The following TMEM63B variants were observed in gnomAD, a reference collection of about 807,000 sequenced individuals.
TMEM63B encodes mechanosensitive cation channel TMEM63B.
A neutral mutation model predicts 102.6 loss-of-function variants in TMEM63B; 23 were observed. That is an observed-to-expected ratio of 0.22 (90% CI 0.16 to 0.32). The LOEUF is 0.32. TMEM63B is among the 10% of genes least tolerant of loss of function. The probability of loss-of-function intolerance (pLI) is 1.00; values close to 1 mark genes in which losing one functional copy is unlikely to be tolerated. For missense variants in TMEM63B, 628 were observed against 1,095.9 expected (o/e 0.57, Z 6.03); for synonymous variants, 444 against 437.0 (o/e 1.02, Z -0.20).
chr6:44,150,329 G>C lies in TMEM63B; in HGVS notation c.1607+19G>C. ...TGAGCAGGTGAGTTGAGAAGGATGG[G>C]GCAGGAGCCAGGGTAGGGGGACAGC... On this transcript the variant is annotated intron_variant, in intron 17 of 23. Transcript: ENST00000323267. The surrounding 1 kb of genome is among the most constrained non-coding windows in gnomAD (Gnocchi z 4.7). 2 of 1,610,250 alleles carry C rather than the reference G, an allele frequency of 1.2e-6. No homozygotes were observed. The highest frequency in any genetic ancestry group is 1.7e-6 in the Non-Finnish European group (2 of 1,176,606).
intron 4 of TMEM63B, 134 bp from the exon 5 acceptor site, chr6:44,136,215 C>A: frequency 1.4e-6 from 1 of 690,052 alleles, no homozygotes; most frequent in South Asian, 1.7e-5. Context: ...GCAGTCATTC[C>A]TCTCTGCTTC....
intron 10 of TMEM63B, among the ~76,000 whole-genome samples, chr6:44,142,685 T>C (rs1157118313): frequency 6.6e-6 from 1 of 152,102 alleles, no homozygotes; most frequent in Non-Finnish European, 1.5e-5. Context: ...GCTGGTGGTC[T>C]GGATCATGGC....
Position 44,146,838 on chromosome 6 carries a change from G to A in TMEM63B, c.783-9G>A. ...CCCTGCACAAGATGATACATGAACTGTGTTTCAGGGAAGCCTACCCCAACT... is the reference window on the plus strand; with the variant it reads ...CCCTGCACAAGATGATACATGAACTATGTTTCAGGGAAGCCTACCCCAACT... On this transcript the variant is annotated splice_polypyrimidine_tract_variant and intron_variant, in intron 10 of 23. Transcript: ENST00000323267. 1 of 1,613,830 alleles carries A rather than the reference G, an allele frequency of 6.2e-7. No individual in the cohort carries two copies. Among genetic ancestry groups the A allele is most frequent in the Non-Finnish European group, 8.5e-7 (1 of 1,179,824 alleles).
chr6:44,144,478 G>A (rs1764935672), intron 10 of TMEM63B, among the ~76,000 whole-genome samples: 1 of 152,092 alleles, frequency 6.6e-6, no homozygotes, highest in African/African-American at 2.4e-5. Context: ...TACATCTCAA[G>A]GACCCTATCC....
At chr6:44,144,567 C>T (rs1764957291) in intron 10 of TMEM63B, among the ~76,000 whole-genome samples, 1 of 151,852 alleles carries the variant, frequency 6.6e-6, no homozygotes, top group African/African-American at 2.4e-5. Context: ...GCATTCAATA[C>T]TTGGTGGTCC....
intron 10 of TMEM63B, among the ~76,000 whole-genome samples, chr6:44,141,552 GGGTGGGTA>G (rs1170122059): frequency 2.0e-5 from 3 of 152,138 alleles, no homozygotes; most frequent in African/African-American, 7.2e-5. Context: ...TTATGTTTTG[GGGTGGGTA>G]GAGCAGACCT....
Position 44,150,394 on chromosome 6 carries a change from C to T in TMEM63B, c.1607+84C>T, listed in dbSNP as rs1175450139. 6 of 1,498,096 alleles carry T rather than the reference C, an allele frequency of 4.0e-6. No homozygotes were observed. The East Asian group carries it at 1.4e-4, about 34-fold the overall frequency. The allele number at this position is 1,498,096 out of a possible 1,614,324, so 92.8% of individuals were successfully genotyped here. A position where few individuals can be genotyped will look rare whatever the true frequency, so the allele number is the denominator to read the frequency against. ...AGAGCAGTTCAGCCTCCCTACCTCC[C>T]CTACAAAGCAAGGGGCCCAAGATGG... On this transcript the variant is annotated intron_variant, in intron 17 of 23. Coordinates refer to ENST00000323267, the MANE Select transcript of TMEM63B (RefSeq NM_018426.3). The surrounding 1 kb of genome is among the most constrained non-coding windows in gnomAD (Gnocchi z 4.7).
chr6:44,135,027 T>A lies in TMEM63B; in HGVS notation c.170T>A (p.Phe57Tyr), dbSNP rs1762643346. 1.2e-6 allele frequency: 2 copies of A among 1,614,082 alleles called. No individual in the cohort carries two copies. The highest frequency in any genetic ancestry group is 1.7e-6 in the Non-Finnish European group (2 of 1,180,022). ...LDFMCFLALL[F>Y]LFSILRKVAW... ...CCCCTCTTCCCTCAGGCACTGCTGT[T>A]CTTATTCTCTATCCTCCGGAAGGTG... The change falls in exon 3 of 24, where the codon TTC (phenylalanine) becomes TAC (tyrosine). Residue 57 changes from phenylalanine (F) to tyrosine (Y), a missense_variant. Physicochemically the swap from Phe to Tyr is conservative, Grantham distance 22. Around this residue, in one of 6 missense-constraint regions of TMEM63B, gnomAD observed 336 missense variants for 580.3 expected, o/e 0.58. Coordinates refer to ENST00000323267, the MANE Select transcript of TMEM63B (RefSeq NM_018426.3).
intron 20 of TMEM63B, among the ~76,000 whole-genome samples, 153 bp from the exon 21 acceptor site, chr6:44,153,523 C>T (rs1767265029): frequency 6.6e-6 from 1 of 152,158 alleles, no homozygotes; most frequent in Non-Finnish European, 1.5e-5. Context: ...TCTGTGATCA[C>T]GCTGGGGCAC....
At position 44,139,558 on chromosome 6, in the gene TMEM63B, G is replaced by C; in HGVS notation, c.499G>C (p.Val167Leu). The change falls in exon 7 of 24, where the codon GTC becomes CTC. Residue 167 changes from valine to leucine, a missense_variant. Around this residue, in one of 6 missense-constraint regions of TMEM63B, gnomAD observed 336 missense variants for 580.3 expected, o/e 0.58. Coordinates refer to ENST00000323267, the MANE Select transcript of TMEM63B (RefSeq NM_018426.3). ...CATCGGGCTGCTGGTGGTTGTGGGC[G>C]TCCTCTCCGTAGGCATCGTGCTGCC... ...HIIGLLVVVG[V>L]LSVGIVLPVN... is the part of the protein sequence containing the mutation. 1 of 1,614,192 alleles carries C rather than the reference G, an allele frequency of 6.2e-7. No individual in the cohort carries two copies.
At chr6:44,138,296 G>C in intron 5 of TMEM63B, 184 bp from the exon 6 acceptor site, 2 of 678,462 alleles carry the variant, frequency 2.9e-6, no homozygotes, top group Non-Finnish European at 5.2e-6. Flanking sequence ...TGAGGGCTGA[G>C]ACCTTCCCTC....
intron 15 of TMEM63B, among the ~76,000 whole-genome samples, chr6:44,149,575 G>A (rs1435192291): frequency 6.6e-6 from 1 of 152,144 alleles, no homozygotes; most frequent in Non-Finnish European, 1.5e-5. Flanking sequence ...TGTCAAATGG[G>A]GTAACAGCAT....
At chr6:44,154,006 G>T (rs1189002231) in intron 21 of TMEM63B, 67 bp from the exon 22 acceptor site, 6 of 1,571,260 alleles carry the variant, frequency 3.8e-6, no homozygotes, top group African/African-American at 2.7e-5. Flanking sequence ...CATTCAGAGG[G>T]TATCAGAAGC....
chr6:44,151,980 C>CGGCCG lies in TMEM63B; in HGVS notation c.1809_1813dup (p.Ala605GlyfsTer8), dbSNP rs1561823534. The CGGCCG allele has an allele frequency of 6.2e-7, 1 of 1,610,836 alleles. No individual in the cohort carries two copies. Among genetic ancestry groups the CGGCCG allele is most frequent in the South Asian group, 1.1e-5 (1 of 90,918 alleles). ...ATGATCCGGCTCTGCCTGGCGCGCT[C>CGGCCG]GGCCGCCGAGAGGCGCAACGTGAAG... On this transcript the variant is annotated frameshift_variant, in exon 19 of 24. Transcript: ENST00000323267. LOFTEE classifies it high-confidence loss of function.
At chr6:44,140,998 A>G in intron 9 of TMEM63B, 30 bp from the exon 10 acceptor site, 1 of 1,611,736 alleles carries the variant, frequency 6.2e-7, no homozygotes, top group Non-Finnish European at 8.5e-7. Flanking sequence ...GTCAAGCCTC[A>G]GAAGGCAAAC....
In TMEM63B at chr6:44,152,508, T is replaced by G. The variant is rs1766926629; in HGVS notation, c.1837-85T>G. ...GCTTCTTTTCCGGCCCCAGAGGTCC[T>G]GGCTCCCTTCCCCCTCCCTCCTTCC... On this transcript the variant is annotated intron_variant, in intron 19 of 23. Coordinates refer to ENST00000323267, the MANE Select transcript of TMEM63B (RefSeq NM_018426.3). This position sits in a 1 kb window ranked among gnomAD's most constrained non-coding sequence, Gnocchi z 6.4. 4 of 1,009,766 alleles carry G rather than the reference T, an allele frequency of 4.0e-6. No homozygotes were observed. In the South Asian group the frequency reaches 5.3e-5, roughly 13 times the overall value. 62.6% of individuals were successfully genotyped at this position (1,009,766 alleles called of 1,614,324 possible).
intron 5 of TMEM63B, among the ~76,000 whole-genome samples, chr6:44,137,978 G>T (rs9381291): frequency 0.44 from 67,379 of 151,920 alleles, 15,933 homozygotes; most frequent in East Asian, 0.76. Flanking sequence ...GGGATTACAG[G>T]CGTGAGCCAC....
Position 44,150,758 on chromosome 6 carries a change from C to G in TMEM63B, c.1673+129C>G. On this transcript the variant is annotated intron_variant, in intron 18 of 23. Transcript: ENST00000323267. This position sits in a 1 kb window ranked among gnomAD's most constrained non-coding sequence, Gnocchi z 4.7. ...CTGGAGGGGGCAGAAGAGAGAGGATCTGGCGGGGTTACCCCAAAGGCACCC... is the reference window on the plus strand; with the variant it reads ...CTGGAGGGGGCAGAAGAGAGAGGATGTGGCGGGGTTACCCCAAAGGCACCC... 9.9e-7 allele frequency: 1 copy of G among 1,005,890 alleles called. No individual in the cohort carries two copies. The highest frequency in any genetic ancestry group is 1.5e-6 in the Non-Finnish European group (1 of 663,978). 62.3% of individuals were successfully genotyped at this position (1,005,890 alleles called of 1,614,324 possible).
chr6:44,153,470 TGAG>T (rs1284352226), intron 20 of TMEM63B, among the ~76,000 whole-genome samples: 32 of 152,326 alleles, frequency 2.1e-4, no homozygotes, highest in Admixed American at 1.2e-3. Context: ...GAATTCCTGA[TGAG>T]GAGAGTAGAA....
Sources: allele counts gnomAD v4.1 joint callset (sites outside exome capture counted in the v4.1 genomes callset), GRCh38; gene constraint gnomAD v4.1.1; regional missense constraint gnomAD v4.1.1; non-coding constraint Gnocchi (gnomAD v3.1); transcripts MANE v1.5; gene names NCBI Gene and HGNC (gene_info 2026-07-23, HGNC 2026-07-21).